The following NOL10 variants were observed in gnomAD, a reference collection of about 807,000 sequenced individuals.
NOL10 encodes nucleolar protein 10, also known as H_NH0074G24.1.
NOL10 carries 58 observed loss-of-function variants against 103.5 expected under a neutral mutation model. That is an observed-to-expected ratio of 0.56 (90% confidence interval 0.45 to 0.70). The LOEUF (loss-of-function observed/expected upper bound fraction) is 0.70, where lower values mean the gene tolerates loss of function less well. Ranked by LOEUF, NOL10 falls within the 30% of genes least tolerant of loss-of-function variation. The pLI is 0.00. For synonymous variants in NOL10, 287 were observed against 282.5 expected, an observed-to-expected ratio of 1.02 and a Z score of -0.16; for missense variants, 763 against 807.3, an observed-to-expected ratio of 0.95 and a Z score of 0.67.
chr2:10,605,313 T>C (rs1395412553), intron 14 of NOL10, among the ~76,000 whole-genome samples: 1 of 152,080 alleles, frequency 6.6e-6, no homozygotes. Context: ...TCCAGAAGAG[T>C]CAGAACTTGC....
chr2:10,587,617 C>T (rs201803925), intron 19 of NOL10, among the ~76,000 whole-genome samples: 6 of 151,762 alleles, frequency 4.0e-5, no homozygotes, highest in Admixed American at 1.3e-4. Flanking sequence ...TCCTAGCCCT[C>T]GAGTTGTTCA....
At position 10,597,209 on chromosome 2, in the gene NOL10, A is replaced by T. The variant is rs533545732; in HGVS notation, c.1422+3644T>A. Among the ~76,000 whole-genome samples, 3 of 152,340 alleles carry T rather than the reference A, an allele frequency of 2.0e-5. No homozygotes were observed. In the South Asian group the frequency reaches 6.2e-4, roughly 32 times the overall value. ...TGTCCATATAATACTGATTGACATT[A>T]TGTGGTGGGCCACTTCCCATTTTAG... On this transcript the variant is annotated intron_variant, in intron 17 of 20. Transcript: ENST00000381685.
chr2:10,668,762 A>G, intron 6 of NOL10, 39 bp from the exon 7 acceptor site: 2 of 875,574 alleles, frequency 2.3e-6, no homozygotes, highest in Non-Finnish European at 3.4e-6. Context: ...CTGCTAAACT[A>G]CAATGAAACT....
At chr2:10,637,213 A>AC (rs1678317613) in intron 13 of NOL10, among the ~76,000 whole-genome samples, 1 of 138,766 alleles carries the variant, frequency 7.2e-6, no homozygotes, top group African/African-American at 2.7e-5. Flanking sequence ...AAAAAAAAAA[A>AC]CACACACACA....
At chr2:10,632,359 G>A (rs538658135) in intron 13 of NOL10, among the ~76,000 whole-genome samples, 10 of 152,282 alleles carry the variant, frequency 6.6e-5, no homozygotes, top group Admixed American at 1.3e-4. Flanking sequence ...ACTCAACTTT[G>A]CCATTATAGT....
At chr2:10,606,253 T>A (rs1676251442) in intron 14 of NOL10, among the ~76,000 whole-genome samples, 1 of 151,470 alleles carries the variant, frequency 6.6e-6, no homozygotes, top group South Asian at 2.1e-4. Flanking sequence ...CTCAGTTTCC[T>A]TATCTAATGG....
chr2:10,636,420 CAAAAAAAAAAA>C (rs70953327), intron 13 of NOL10, among the ~76,000 whole-genome samples: 6 of 54,696 alleles, frequency 1.1e-4, no homozygotes, highest in African/African-American at 3.8e-4. Flanking sequence ...TACAAAAAAC[CAAAAAAAAAAA>C]AAAAAAAAAA....
intron 13 of NOL10, among the ~76,000 whole-genome samples, chr2:10,636,296 A>G (rs1678207897): frequency 6.6e-6 from 1 of 152,038 alleles, no homozygotes; most frequent in South Asian, 2.1e-4. Flanking sequence ...TTGGCCGGGC[A>G]CAGTGGCTTA....
intron 13 of NOL10, among the ~76,000 whole-genome samples, chr2:10,631,718 T>G (rs1357536990): frequency 2.7e-5 from 2 of 72,870 alleles, no homozygotes; most frequent in Non-Finnish European, 4.2e-5. Flanking sequence ...GTTCTCCCTG[T>G]TTTTTTTTTT....
At chr2:10,622,488 CA>C (rs77285222) in intron 13 of NOL10, among the ~76,000 whole-genome samples, 1 of 124,846 alleles carries the variant, frequency 8.0e-6, no homozygotes. Context: ...GAGCGTTTTT[CA>C]AAAAAAAAGA....
chr2:10,633,422 A>C (rs1311012865), intron 13 of NOL10, among the ~76,000 whole-genome samples: 3 of 151,054 alleles, frequency 2.0e-5, no homozygotes, highest in Non-Finnish European at 4.4e-5. Flanking sequence ...TTATATATTA[A>C]TGTATCATAA....
chr2:10,688,708 G>A (rs181586581), intron 1 of NOL10, among the ~76,000 whole-genome samples: 2 of 152,260 alleles, frequency 1.3e-5, no homozygotes, highest in Admixed American at 1.3e-4. Flanking sequence ...CCCCAACAGG[G>A]AACCTTATCT....
chr2:10,597,817 T>C (rs1041793640), intron 17 of NOL10, among the ~76,000 whole-genome samples: 4 of 152,202 alleles, frequency 2.6e-5, no homozygotes, highest in Non-Finnish European at 5.9e-5. Context: ...AAACTGCTGT[T>C]TGATGGAAGA....
At chr2:10,654,299 C>T (rs1410321470) in intron 12 of NOL10, among the ~76,000 whole-genome samples, 182 bp downstream of exon 12, 1 of 152,218 alleles carries the variant, frequency 6.6e-6, no homozygotes, top group Non-Finnish European at 1.5e-5. Context: ...ACTTCCTGCT[C>T]TTAATTCTTC....
chr2:10,593,394 T>C (rs6432107), intron 17 of NOL10, among the ~76,000 whole-genome samples: 90,786 of 151,740 alleles, frequency 0.6, 28,272 homozygotes, highest in African/African-American at 0.76. Flanking sequence ...GCCTCGGCCT[T>C]CCAAAGTGCT....
chr2:10,600,835 G>T lies in NOL10; in HGVS notation c.1422+18C>A. The T allele has an allele frequency of 6.8e-6, 10 of 1,473,976 alleles. No homozygotes were observed. The highest frequency in any genetic ancestry group is 1.3e-5 in the South Asian group (1 of 79,474). 91.3% of individuals were successfully genotyped at this position (1,473,976 alleles called of 1,614,324 possible). A position where few individuals can be genotyped will look rare whatever the true frequency, so the allele number is the denominator to read the frequency against. On this transcript the variant is annotated intron_variant, in intron 17 of 20. Coordinates refer to ENST00000381685, the MANE Select transcript of NOL10 (RefSeq NM_024894.4). ...CAACAAAACGCAGAAACAATTTGCC[G>T]ATACTTTTTCACCTTACCTTAACTT...
chr2:10,605,745 T>C (rs974774633), intron 14 of NOL10, among the ~76,000 whole-genome samples: 1 of 152,184 alleles, frequency 6.6e-6, no homozygotes, highest in Non-Finnish European at 1.5e-5. Flanking sequence ...TTATGAAAAT[T>C]ACGTTGGAGA....
intron 4 of NOL10, among the ~76,000 whole-genome samples, chr2:10,675,418 GA>G (rs996062117): frequency 9.2e-5 from 14 of 151,762 alleles, no homozygotes; most frequent in African/African-American, 2.7e-4. Flanking sequence ...AGTGTATTTG[GA>G]AGCAAATTCT....
chr2:10,689,858 G>T lies in NOL10; in HGVS notation c.4C>A (p.Gln2Lys). The stretch of plus-strand genomic sequence containing the variant: ...TTCACCTCATTGAGGCTGGAGACCT[G>T]CATGGCGCCGCACAACACTGTTCAA... M[Q>K]VSSLNEVKIY... The change falls in exon 1 of 21, where the codon CAG becomes AAG. Residue 2 changes from glutamine (Q) to lysine (K), a missense_variant. Transcript: ENST00000381685. 1 of 1,604,896 alleles carries T rather than the reference G, an allele frequency of 6.2e-7. No individual in the cohort carries two copies. The highest frequency in any genetic ancestry group is 1.7e-5 in the Admixed American group (1 of 58,664).
Sources: allele counts gnomAD v4.1 joint callset (sites outside exome capture counted in the v4.1 genomes callset), GRCh38; gene constraint gnomAD v4.1.1; transcripts MANE v1.5; gene names NCBI Gene and HGNC (gene_info 2026-07-23, HGNC 2026-07-21).